The following YOD1 variants were observed in gnomAD, a reference collection of about 807,000 sequenced individuals.
The protein encoded by YOD1 is ubiquitin thioesterase OTU1.
In YOD1, 17 loss-of-function variants were observed where a neutral mutation model predicts 23.7. The ratio of observed to expected loss-of-function variants is 0.72; its 90% CI spans 0.49 to 1.07. The LOEUF (loss-of-function observed/expected upper bound fraction) is 1.07. YOD1 is among the 50% of genes least tolerant of loss of function. The pLI is 0.00. For synonymous variants in YOD1, 191 were observed against 169.6 expected, an observed-to-expected ratio of 1.13 and a Z score of -0.98; for missense variants, 413 against 447.2, an observed-to-expected ratio of 0.92 and a Z score of 0.69.
At chr1:207,050,377 C>T (rs1682708677) in intron 1 of YOD1, among the ~76,000 whole-genome samples, 1 of 152,054 alleles carries the variant, frequency 6.6e-6, no homozygotes, top group Non-Finnish European at 1.5e-5. Flanking sequence ...AGAAAATAGG[C>T]CCTACTTTAT....
upstream of YOD1, among the ~76,000 whole-genome samples, chr1:207,051,858 A>C (rs12565951): frequency 5.1e-4 from 77 of 152,366 alleles, no homozygotes; most frequent in Admixed American, 2.0e-3. Flanking sequence ...GCAAATAAAA[A>C]GTGTTCAACA....
rs1682669229 is a variant in YOD1, at chr1:207,049,146, C to T, written c.921G>A (p.Arg307=). The T allele has an allele frequency of 6.2e-7, 1 of 1,614,024 alleles. No individual in the cohort carries two copies. The highest frequency in any genetic ancestry group is 8.5e-7 in the Non-Finnish European group (1 of 1,180,012). The change falls in exon 2 of 2, where the codon AGG becomes AGA. Residue 307 remains arginine (R), a synonymous_variant. Coordinates refer to ENST00000315927, the MANE Select transcript of YOD1 (RefSeq NM_018566.4). ...ALELADEARR[R]RQFTDVNRFT... is the part of the protein sequence containing the mutation. ...AGCGGTTGACATCAGTAAACTGTCT[C>T]CTTCTTCTAGCTTCATCTGCTAATT...
intron 1 of YOD1, 139 bp downstream of exon 1, chr1:207,050,549 T>A (rs1368583710): frequency 3.6e-6 from 4 of 1,115,822 alleles, no homozygotes; most frequent in Non-Finnish European, 5.0e-6. Context: ...CATTCTCTGT[T>A]CTTTGATCTA....
rs1430227985 is a variant in YOD1 at position 207,050,951 on chromosome 1, G to A, written c.80C>T (p.Ala27Val). ...ACCCGCGGGGCCAGCTTTGGTCCCG[G>A]CAGCCTGTTGGGAGACGCCGCCGGG... is the stretch of plus-strand genomic sequence containing the variant. The part of the protein sequence containing the change: ...GFPGGVSQQA[A>V]GTKAGPAGAW... The change falls in exon 1 of 2, where the codon GCC becomes GTC. Residue 27 changes from alanine (A) to valine (V), a missense_variant. Physicochemically the swap from Ala to Val is moderately conservative, Grantham distance 64. Transcript: ENST00000315927. 6 of 1,570,236 alleles carry A rather than the reference G, an allele frequency of 3.8e-6. No individual in the cohort carries two copies. The highest frequency in any genetic ancestry group is 1.9e-5 in the Admixed American group (1 of 53,822).
chr1:207,051,259 G>A (rs1213991718), upstream of YOD1, among the ~76,000 whole-genome samples: 1 of 152,190 alleles, frequency 6.6e-6, no homozygotes, highest in Non-Finnish European at 1.5e-5. Context: ...GAGGGCGGGG[G>A]AAGGAGTTCC....
rs1655441676 is a variant in YOD1 at position 207,050,782 on chromosome 1, G to A, written c.249C>T (p.Ala83=). The A allele has an allele frequency of 1.2e-6, 2 of 1,613,372 alleles. No homozygotes were observed. Among genetic ancestry groups the A allele is most frequent in the Non-Finnish European group, 1.7e-6 (2 of 1,180,038 alleles). The change falls in exon 1 of 2, where the codon GCC becomes GCT. Residue 83 remains alanine, a synonymous_variant. Coordinates refer to ENST00000315927, the MANE Select transcript of YOD1 (RefSeq NM_018566.4). ...QGQIAAITGI[A]PGGQRILVGY... ...CGACGAGGATTCGCTGACCGCCGGGGGCGATCCCGGTGATGGCGGCAATTT... is the reference window on the plus strand; with the variant it reads ...CGACGAGGATTCGCTGACCGCCGGGAGCGATCCCGGTGATGGCGGCAATTT...
In YOD1 at chr1:207,046,813, T is replaced by A; in HGVS notation, c.*2207A>T. 6.6e-6 allele frequency: 1 copy of A among 152,104 alleles called. No individual in the cohort carries two copies. The highest frequency in any genetic ancestry group is 1.9e-4 in the East Asian group (1 of 5,194). The allele number at this position is 152,104 out of a possible 1,614,324, so 9.4% of individuals were successfully genotyped here. A position where few individuals can be genotyped will look rare whatever the true frequency, so the allele number is the denominator to read the frequency against. Reference sequence around the variant, plus strand: ...TACTGAATATAAAGTGACAGAAACTTATGTTGGAACATATCAAAACATATG... The same window carrying A: ...TACTGAATATAAAGTGACAGAAACTAATGTTGGAACATATCAAAACATATG... On this transcript the variant is annotated 3_prime_UTR_variant, in exon 2 of 2. Coordinates refer to ENST00000315927, the MANE Select transcript of YOD1 (RefSeq NM_018566.4).
rs186223097 is a variant in YOD1 at position 207,049,779 on chromosome 1, G to A, written c.344-56C>T. 45 of 1,495,064 alleles carry A rather than the reference G, an allele frequency of 3.0e-5. No homozygotes were observed. In the African/African-American group the frequency reaches 5.7e-4, roughly 19 times the overall value. The allele number at this position is 1,495,064 out of a possible 1,614,324, so 92.6% of individuals were successfully genotyped here. A position where few individuals can be genotyped will look rare whatever the true frequency, so the allele number is the denominator to read the frequency against. On this transcript the variant is annotated intron_variant, in intron 1 of 1. Transcript: ENST00000315927. ...AAAGAAATTACAGAAGAAACCGAGT[G>A]TTCTCTAGCCAAGTCTGTAAATTAC...
At position 207,046,291 on chromosome 1, in the gene YOD1, T is replaced by A. The variant is rs1682600094; in HGVS notation, c.*2729A>T. The stretch of plus-strand genomic sequence containing the variant: ...TTAAGACATTTAATCCTCCTGAAAG[T>A]TGTAAGTCCATAGATTTTCAAAATT... On this transcript the variant is annotated 3_prime_UTR_variant, in exon 2 of 2. Coordinates refer to ENST00000315927, the MANE Select transcript of YOD1 (RefSeq NM_018566.4). 6.6e-6 allele frequency: 1 copy of A among 152,046 alleles called. No homozygotes were observed. The allele number at this position is 152,046 out of a possible 1,614,324, so 9.4% of individuals were successfully genotyped here. A position where few individuals can be genotyped will look rare whatever the true frequency, so the allele number is the denominator to read the frequency against.
chr1:207,052,113 T>C (rs1320843304), upstream of YOD1: 7 of 1,329,050 alleles, frequency 5.3e-6, no homozygotes, highest in Non-Finnish European at 6.4e-6. Flanking sequence ...TTGCCAAGAG[T>C]GGGTTTATCA....
At chr1:207,053,005 T>G (rs1177098522), upstream of YOD1, 1 of 152,078 alleles carries the variant, frequency 6.6e-6, no homozygotes, top group Non-Finnish European at 1.5e-5. Flanking sequence ...CAGAAAAAAG[T>G]CAAGCTTTTT....
upstream of YOD1, chr1:207,051,210 A>T: frequency 8.1e-7 from 1 of 1,235,128 alleles, no homozygotes; most frequent in Non-Finnish European, 1.1e-6. Flanking sequence ...AGAGCGAGTG[A>T]GGTGCCCTCC....
intron 1 of YOD1, among the ~76,000 whole-genome samples, chr1:207,050,438 C>A (rs1173606220): frequency 3.3e-5 from 5 of 152,130 alleles, no homozygotes; most frequent in Admixed American, 6.5e-5. Flanking sequence ...CAAAGCCGAC[C>A]AGAAAGCGGA....
rs1682628972 is a variant in YOD1 at position 207,047,541 on chromosome 1, C to T, written c.*1479G>A. ...CTTAATAAAAAAGAGACCAAAATAA[C>T]AAAACTTCACATTAAGCCTCTTCAC... On this transcript the variant is annotated 3_prime_UTR_variant, in exon 2 of 2. Coordinates refer to ENST00000315927, the MANE Select transcript of YOD1 (RefSeq NM_018566.4). 1.3e-5 allele frequency: 2 copies of T among 152,656 alleles called. No homozygotes were observed. The highest frequency in any genetic ancestry group is 1.5e-5 in the Non-Finnish European group (1 of 67,966). The allele number at this position is 152,656 out of a possible 1,614,324, so 9.5% of individuals were successfully genotyped here. A position where few individuals can be genotyped will look rare whatever the true frequency, so the allele number is the denominator to read the frequency against.
rs1178417552 is a variant in YOD1 at position 207,044,449 on chromosome 1, T to C, written c.*4571A>G. ...GGGCTAATTACATAGCCTATACCAGTTTATAAAGTAGACTCATGTAATCAT... is the reference window on the plus strand; with the variant it reads ...GGGCTAATTACATAGCCTATACCAGCTTATAAAGTAGACTCATGTAATCAT... On this transcript the variant is annotated 3_prime_UTR_variant, in exon 2 of 2. Transcript: ENST00000315927. 1 of 152,526 alleles carries C rather than the reference T, an allele frequency of 6.6e-6. No individual in the cohort carries two copies. The highest frequency in any genetic ancestry group is 1.5e-5 in the Non-Finnish European group (1 of 67,958). The allele number at this position is 152,526 out of a possible 1,614,324, so 9.4% of individuals were successfully genotyped here.
At chr1:207,051,294 T>TGAAG (rs1682746726), upstream of YOD1, among the ~76,000 whole-genome samples, 1 of 152,156 alleles carries the variant, frequency 6.6e-6, no homozygotes, top group Non-Finnish European at 1.5e-5. Flanking sequence ...GAGATTGGAA[T>TGAAG]GTGACCTTGC....
rs1682675950 is a variant in YOD1, at chr1:207,049,296, T to C, written c.771A>G (p.Lys257=). 1 of 1,614,022 alleles carries C rather than the reference T, an allele frequency of 6.2e-7. No homozygotes were observed. The highest frequency in any genetic ancestry group is 1.1e-5 in the South Asian group (1 of 91,074). The change falls in exon 2 of 2, where the codon AAA becomes AAG. Residue 257 remains lysine, a synonymous_variant. Coordinates refer to ENST00000315927, the MANE Select transcript of YOD1 (RefSeq NM_018566.4). The part of the protein sequence containing the change: ...DRFGEDAGYT[K]RVLLIYDGIH... ...TGCCATCATAAATAAGCAGAACCCT[T>C]TTGGTATATCCTGCATCTTCCCCAA...
At position 207,050,736 on chromosome 1, in the gene YOD1, C is replaced by A; in HGVS notation, c.295G>T (p.Asp99Tyr). ...ILVGYPPECL[D>Y]LSNGDTILED... is the part of the protein sequence containing the mutation. ...AGAATGGTATCCCCATTGCTGAGATCCAGGCACTCGGGAGGGTATCCGACG... is the reference window on the plus strand; with the variant it reads ...AGAATGGTATCCCCATTGCTGAGATACAGGCACTCGGGAGGGTATCCGACG... The change falls in exon 1 of 2, where the codon GAT becomes TAT. Residue 99 changes from aspartate to tyrosine, a missense_variant. Physicochemically the swap from Asp to Tyr is radical, Grantham distance 160. Transcript: ENST00000315927. The A allele has an allele frequency of 6.2e-7, 1 of 1,613,370 alleles. No homozygotes were observed. The highest frequency in any genetic ancestry group is 8.5e-7 in the Non-Finnish European group (1 of 1,180,036).
In YOD1 at chr1:207,045,992, A is replaced by C. The variant is rs1459109628; in HGVS notation, c.*3028T>G. 6.6e-6 allele frequency: 1 copy of C among 152,058 alleles called. No homozygotes were observed. Among genetic ancestry groups the C allele is most frequent in the African/African-American group, 2.4e-5 (1 of 41,440 alleles). 9.4% of individuals were successfully genotyped at this position (152,058 alleles called of 1,614,324 possible). A position where few individuals can be genotyped will look rare whatever the true frequency, so the allele number is the denominator to read the frequency against. On this transcript the variant is annotated 3_prime_UTR_variant, in exon 2 of 2. Transcript: ENST00000315927. Reference sequence around the variant, plus strand: ...CATTAGCAAAAGATGGAACACACTAATGTCTTCACTTGGCTAACACATCAC... The same window carrying C: ...CATTAGCAAAAGATGGAACACACTACTGTCTTCACTTGGCTAACACATCAC...
Sources: gnomAD v4.1 joint callset for allele counts (sites outside exome capture counted in the v4.1 genomes callset) on GRCh38, gnomAD v4.1.1 for gene constraint, MANE v1.5 for transcripts, NCBI Gene and HGNC (gene_info 2026-07-23, HGNC 2026-07-21) for gene names.